The following MAST4 variants were observed in gnomAD, a reference collection of about 807,000 sequenced individuals.
The protein encoded by MAST4 is microtubule associated serine/threonine kinase family member 4.
Under a neutral mutation model 162.7 loss-of-function variants are expected in MAST4, and 89 were observed. That is an observed-to-expected ratio of 0.55 (90% CI 0.46 to 0.65). The LOEUF (loss-of-function observed/expected upper bound fraction) is 0.65, where lower values mean the gene tolerates loss of function less well. Among genes scored for constraint, MAST4 ranks in the 30% least tolerant of loss-of-function variants. The probability of loss-of-function intolerance (pLI) is 0.00; values close to 1 mark genes in which losing one functional copy is unlikely to be tolerated. For missense variants in MAST4, 3,153 were observed against 3,374.0 expected, an observed-to-expected ratio of 0.93 and a Z score of 1.62; for synonymous variants, 1,479 against 1,361.1, an observed-to-expected ratio of 1.09 and a Z score of -1.91.
intron 3 of MAST4, among the ~76,000 whole-genome samples, chr5:66,815,429 A>C (rs1756670485): frequency 6.6e-6 from 1 of 152,126 alleles, no homozygotes; most frequent in Non-Finnish European, 1.5e-5. Flanking sequence ...ATTCTTGTTA[A>C]TCTCTTACTG....
intron 1 of MAST4, among the ~76,000 whole-genome samples, chr5:66,734,887 T>C (rs1252387952): frequency 3.9e-5 from 6 of 152,236 alleles, no homozygotes; most frequent in Non-Finnish European, 8.8e-5. Flanking sequence ...TGTTGTTCTT[T>C]CTCTTTGTTC....
intron 3 of MAST4, among the ~76,000 whole-genome samples, chr5:66,824,633 T>C (rs1441822248): frequency 6.6e-6 from 1 of 152,236 alleles, no homozygotes; most frequent in East Asian, 1.9e-4. Context: ...GTAACTTATT[T>C]CTAAGTACAG....
intron 1 of MAST4, among the ~76,000 whole-genome samples, chr5:66,739,012 G>T (rs145042246): frequency 6.6e-6 from 1 of 151,996 alleles, no homozygotes; most frequent in African/African-American, 2.4e-5. Flanking sequence ...TTTTCCTATA[G>T]ATCTTTTTTT....
intron 1 of MAST4, among the ~76,000 whole-genome samples, chr5:66,687,777 A>G (rs6884549): frequency 0.018 from 2,652 of 151,438 alleles, 75 homozygotes; most frequent in African/African-American, 0.062. Context: ...AACGTAACAG[A>G]CCAGGAATCT....
chr5:66,986,498 A>G, intron 4 of MAST4: 1 of 1,565,074 alleles, frequency 6.4e-7, no homozygotes, highest in Non-Finnish European at 8.7e-7. Context: ...TTGCCACCAC[A>G]TTAAATAAAA....
At chr5:67,079,641 A>G (rs1426447847) in intron 5 of MAST4, among the ~76,000 whole-genome samples, 1 of 152,134 alleles carries the variant, frequency 6.6e-6, no homozygotes, top group Non-Finnish European at 1.5e-5. Context: ...TTCCATGTAT[A>G]TATCATTGCT....
At chr5:67,074,624 A>G (rs970853884) in intron 5 of MAST4, among the ~76,000 whole-genome samples, 12 of 152,308 alleles carry the variant, frequency 7.9e-5, no homozygotes, top group Non-Finnish European at 1.0e-4. Context: ...TAAAAATCAC[A>G]TTTTTGAAAA....
chr5:66,668,964 CT>C (rs1212803567), intron 1 of MAST4, among the ~76,000 whole-genome samples: 1 of 152,120 alleles, frequency 6.6e-6, no homozygotes, highest in Non-Finnish European at 1.5e-5. Context: ...CTACCCTAGA[CT>C]TGCAGAGGGA....
At chr5:66,730,878 G>T (rs1751807600) in intron 1 of MAST4, among the ~76,000 whole-genome samples, 1 of 151,884 alleles carries the variant, frequency 6.6e-6, no homozygotes, top group Non-Finnish European at 1.5e-5. Context: ...AAAAAAAATA[G>T]GGAAAAGAGT....
At chr5:67,060,804 C>A (rs10052424) in intron 5 of MAST4, among the ~76,000 whole-genome samples, 31,355 of 151,910 alleles carry the variant, frequency 0.21, 3,540 homozygotes, top group Non-Finnish European at 0.24. Flanking sequence ...TTGTAATATT[C>A]TACTGCCCCA....
At chr5:66,912,855 A>G (rs1763866881) in intron 4 of MAST4, among the ~76,000 whole-genome samples, 1 of 152,158 alleles carries the variant, frequency 6.6e-6, no homozygotes, top group East Asian at 1.9e-4. Context: ...ATTGGTTTTC[A>G]TAAGGGTCTA....
At chr5:66,730,094 G>A (rs934007991) in intron 1 of MAST4, among the ~76,000 whole-genome samples, 1 of 151,974 alleles carries the variant, frequency 6.6e-6, no homozygotes, top group Non-Finnish European at 1.5e-5. Flanking sequence ...TGGTGGATGT[G>A]GATGAAGGAT....
chr5:66,990,687 T>C (rs552090179), intron 4 of MAST4, among the ~76,000 whole-genome samples: 36 of 152,166 alleles, frequency 2.4e-4, no homozygotes, highest in African/African-American at 8.7e-4. Context: ...ATTTAAAGAG[T>C]CATATGAGCA....
chr5:66,948,703 T>G (rs1027959899), intron 4 of MAST4, among the ~76,000 whole-genome samples: 1 of 152,094 alleles, frequency 6.6e-6, no homozygotes, highest in Non-Finnish European at 1.5e-5. Flanking sequence ...CCAGAGTAAT[T>G]TGAATTTCTC....
At chr5:66,775,256 T>C (rs1362322136) in intron 2 of MAST4, among the ~76,000 whole-genome samples, 1 of 152,076 alleles carries the variant, frequency 6.6e-6, no homozygotes, top group Admixed American at 6.6e-5. Context: ...GCTTGAGAGA[T>C]GGCCATTTGG....
chr5:67,079,621 T>A (rs183793859), intron 5 of MAST4, among the ~76,000 whole-genome samples: 1 of 152,284 alleles, frequency 6.6e-6, no homozygotes, highest in Non-Finnish European at 1.5e-5. Context: ...CTTGAATCAT[T>A]TGAATTTTTT....
chr5:66,764,214 G>C (rs1418611516), intron 2 of MAST4, among the ~76,000 whole-genome samples: 2 of 152,242 alleles, frequency 1.3e-5, no homozygotes, highest in Non-Finnish European at 2.9e-5. Context: ...CCAGGTTGCA[G>C]TTTGGGTCCA....
At chr5:67,004,051 G>C (rs1396496408) in intron 4 of MAST4, 1 of 152,292 alleles carries the variant, frequency 6.6e-6, no homozygotes, top group Non-Finnish European at 1.5e-5. Context: ...CCCTCCCGCG[G>C]TGAATCACAG....
intron 14 of MAST4, among the ~76,000 whole-genome samples, chr5:67,125,623 A>G (rs1306109837): frequency 1.3e-5 from 2 of 152,152 alleles, no homozygotes; most frequent in Admixed American, 6.6e-5. Flanking sequence ...TGGTGTATAC[A>G]TGCCACATTT....
Sources: gnomAD v4.1 joint callset for allele counts (sites outside exome capture counted in the v4.1 genomes callset) on GRCh38, gnomAD v4.1.1 for gene constraint, MANE v1.5 for transcripts, NCBI Gene and HGNC (gene_info 2026-07-23, HGNC 2026-07-21) for gene names.